PCBP3: variants seen among roughly 807,000 people sequenced by gnomAD.
The protein encoded by PCBP3 is poly(rC) binding protein 3, also known as poly(rC)-binding protein 3.
Under a neutral mutation model 52.7 loss-of-function variants are expected in PCBP3, and 25 were observed. That is an observed-to-expected ratio of 0.47 (90% CI 0.35 to 0.66). The LOEUF (loss-of-function observed/expected upper bound fraction) is 0.66, where lower values mean the gene tolerates loss of function less well. PCBP3 is among the 30% of genes least tolerant of loss of function. PCBP3 has a pLI of 0.01. For missense variants in PCBP3, 391 were observed against 490.3 expected, an observed-to-expected ratio of 0.80 and a Z score of 1.91; for synonymous variants, 162 against 183.0, an observed-to-expected ratio of 0.89 and a Z score of 0.93.
At chr21:45,755,873 G>A (rs73378554) in intron 4 of PCBP3, among the ~76,000 whole-genome samples, 1 of 152,052 alleles carries the variant, frequency 6.6e-6, no homozygotes, top group South Asian at 2.1e-4. Context: ...TTCTCCTAAA[G>A]TATGCCTTGA....
At chr21:45,690,277 T>C (rs2082381476) in intron 2 of PCBP3, among the ~76,000 whole-genome samples, 1 of 151,958 alleles carries the variant, frequency 6.6e-6, no homozygotes, top group South Asian at 2.1e-4. Context: ...AATATCCATA[T>C]ATAAAAAAAA....
intron 1 of PCBP3, among the ~76,000 whole-genome samples, chr21:45,644,492 G>A (rs1306426720): frequency 7.0e-6 from 1 of 143,292 alleles, no homozygotes; most frequent in Non-Finnish European, 1.5e-5. Context: ...TGGAAGTCTT[G>A]TTTCGTGAAA....
In PCBP3 at chr21:45,791,491, A is replaced by G. The variant is rs2091559505; in HGVS notation, c.-126+36039A>G. On this transcript the variant is annotated intron_variant, in intron 4 of 17. Coordinates refer to ENST00000681687, the MANE Select transcript of PCBP3 (RefSeq NM_001384156.1). This position sits in a 1 kb window ranked among gnomAD's most constrained non-coding sequence, Gnocchi z 4.2. Reference sequence around the variant, plus strand: ...TTTGTCAAGCAAGGACAAGGAACCAAGCGGGTAGCCAGACACAAAGGCAGA... The same window carrying G: ...TTTGTCAAGCAAGGACAAGGAACCAGGCGGGTAGCCAGACACAAAGGCAGA... 6.6e-6 allele frequency among the ~76,000 whole-genome samples: 1 copy of G among 152,162 alleles called. No homozygotes were observed. The highest frequency in any genetic ancestry group is 1.5e-5 in the Non-Finnish European group (1 of 68,034).
rs187625215 is a variant in PCBP3 at position 45,737,772 on chromosome 21, A to C, written c.-162+2343A>C. Among the ~76,000 whole-genome samples, 3 of 152,344 alleles carry C rather than the reference A, an allele frequency of 2.0e-5. No homozygotes were observed. The East Asian group carries it at 5.8e-4, about 29-fold the overall frequency. On this transcript the variant is annotated intron_variant, in intron 3 of 17. Transcript: ENST00000681687. The surrounding 1 kb of genome is among the most constrained non-coding windows in gnomAD (Gnocchi z 4.9). ...TGGTGGGAATGGAGGTGCCATGAGCACTGAGCTGGTTGGAACAGAAGGGCT... is the reference window on the plus strand; with the variant it reads ...TGGTGGGAATGGAGGTGCCATGAGCCCTGAGCTGGTTGGAACAGAAGGGCT...
chr21:45,815,778 A>G lies in PCBP3; in HGVS notation c.-125-34183A>G, dbSNP rs373026171. 3.1e-4 allele frequency among the ~76,000 whole-genome samples: 11 copies of G among 35,204 alleles called. No individual in the cohort carries two copies. The East Asian group carries it at 4.1e-3, about 13-fold the overall frequency. The allele number at this position is 35,204 out of a possible 152,430, so 23.1% of individuals were successfully genotyped here. On this transcript the variant is annotated intron_variant, in intron 4 of 17. Transcript: ENST00000681687. ...GTGAGTGATGAGTGAGTGGTGAGTG[A>G]TGAGTGGTGAGTGGTGAGTGATGAG...
At chr21:45,740,401 A>C (rs970114975) in intron 3 of PCBP3, among the ~76,000 whole-genome samples, 1 of 152,256 alleles carries the variant, frequency 6.6e-6, no homozygotes, top group Non-Finnish European at 1.5e-5. Context: ...CTTGATTTTC[A>C]GCCAGATTGG....
chr21:45,777,613 T>C (rs1236706446), intron 4 of PCBP3, among the ~76,000 whole-genome samples: 7 of 152,242 alleles, frequency 4.6e-5, no homozygotes, highest in African/African-American at 1.4e-4. Flanking sequence ...TATTCTTTTT[T>C]ATCTTTATTT....
intron 2 of PCBP3, among the ~76,000 whole-genome samples, chr21:45,701,185 A>G (rs116701617): frequency 0.014 from 2,139 of 152,320 alleles, 45 homozygotes; most frequent in African/African-American, 0.049. Context: ...AAGTGAACCT[A>G]CTTTCCTATT....
chr21:45,655,554 C>A (rs1671373650), intron 1 of PCBP3, among the ~76,000 whole-genome samples: 1 of 152,042 alleles, frequency 6.6e-6, no homozygotes, highest in South Asian at 2.1e-4. Context: ...TGCTTATTGG[C>A]CCTTTTTGTT....
chr21:45,900,969 C>G, intron 8 of PCBP3, 28 bp from the exon 9 acceptor site: 1 of 1,543,774 alleles, frequency 6.5e-7, no homozygotes, highest in Non-Finnish European at 9.0e-7. Context: ...TTAATCAGGT[C>G]GCTGGGGTTT....
intron 2 of PCBP3, among the ~76,000 whole-genome samples, chr21:45,685,372 G>T (rs973033735): frequency 6.6e-6 from 1 of 152,046 alleles, no homozygotes; most frequent in East Asian, 1.9e-4. Context: ...CCACTTAACT[G>T]TACACTTGAA....
intron 17 of PCBP3, among the ~76,000 whole-genome samples, chr21:45,941,165 A>G (rs1194385968): frequency 6.6e-6 from 1 of 152,022 alleles, no homozygotes; most frequent in African/African-American, 2.4e-5. Flanking sequence ...CCACAGGCCC[A>G]TGGGCAGGAG....
intron 4 of PCBP3, among the ~76,000 whole-genome samples, chr21:45,792,454 A>G (rs2091668601): frequency 6.6e-6 from 1 of 152,218 alleles, no homozygotes; most frequent in African/African-American, 2.4e-5. Context: ...AGAAAACTTA[A>G]ATAGAGTTTT....
Position 45,777,801 on chromosome 21 carries a change from A to C in PCBP3, c.-126+22349A>C, listed in dbSNP as rs1159705894. On this transcript the variant is annotated intron_variant, in intron 4 of 17. Transcript: ENST00000681687. ...TCCCTTTCATAAATTTCCCATTTAT[A>C]TAATGAATTCTTTTTCTGATTTCTT... 3.9e-5 allele frequency among the ~76,000 whole-genome samples: 6 copies of C among 151,940 alleles called. No individual in the cohort carries two copies. In the East Asian group the frequency reaches 1.2e-3, roughly 29 times the overall value.
intron 2 of PCBP3, among the ~76,000 whole-genome samples, chr21:45,707,396 A>T (rs986349259): frequency 6.6e-6 from 1 of 152,088 alleles, no homozygotes. Flanking sequence ...GGAGCCTGTA[A>T]TCCCAGCTAC....
intron 1 of PCBP3, among the ~76,000 whole-genome samples, chr21:45,655,933 C>T (rs568000089): frequency 5.3e-5 from 8 of 152,274 alleles, no homozygotes; most frequent in African/African-American, 1.9e-4. Context: ...CAAATGAAAA[C>T]CACAATGAGA....
intron 9 of PCBP3, among the ~76,000 whole-genome samples, chr21:45,906,030 A>C (rs1045325933): frequency 6.6e-6 from 1 of 152,158 alleles, no homozygotes; most frequent in African/African-American, 2.4e-5. Context: ...CTGAATCGCT[A>C]GGGAGATTTA....
chr21:45,654,280 G>T (rs939543554), intron 1 of PCBP3, among the ~76,000 whole-genome samples: 14 of 150,962 alleles, frequency 9.3e-5, no homozygotes, highest in Admixed American at 8.6e-4. Flanking sequence ...TTTCATTTCT[G>T]CCCAAAGGGC....
In PCBP3 at chr21:45,853,398, A is replaced by G. The variant is rs902515511; in HGVS notation, c.10+3303A>G. On this transcript the variant is annotated intron_variant, in intron 5 of 17. Transcript: ENST00000681687. This position sits in a 1 kb window ranked among gnomAD's most constrained non-coding sequence, Gnocchi z 4.6. The stretch of plus-strand genomic sequence containing the variant: ...AGGTTCTTGGCGTTTTGAAAAAATA[A>G]TTGGACAAAACACACAAACAAAGCA... 6.6e-6 allele frequency among the ~76,000 whole-genome samples: 1 copy of G among 152,232 alleles called. No homozygotes were observed. The highest frequency in any genetic ancestry group is 2.4e-5 in the African/African-American group (1 of 41,452).
Sources: allele counts gnomAD v4.1 joint callset (sites outside exome capture counted in the v4.1 genomes callset), GRCh38; gene constraint gnomAD v4.1.1; non-coding constraint Gnocchi (gnomAD v3.1); transcripts MANE v1.5; gene names NCBI Gene and HGNC (gene_info 2026-07-23, HGNC 2026-07-21).